Variants in LRRC4C observed in about 807,000 individuals in gnomAD.
The protein encoded by LRRC4C is leucine-rich repeat-containing protein 4C.
LRRC4C carries 5 observed loss-of-function variants against 33.6 expected under a neutral mutation model. That is an observed-to-expected ratio of 0.15 (90% CI 0.08 to 0.31). The LOEUF is 0.31. Ranked by LOEUF, LRRC4C falls within the 10% of genes least tolerant of loss-of-function variation. The pLI is 1.00. For missense variants in LRRC4C, 560 were observed against 796.7 expected (o/e 0.70, Z 3.58); for synonymous variants, 329 against 302.0 (o/e 1.09, Z -0.93).
At chr11:41,283,811 G>C (rs1198274974) in intron 1 of LRRC4C, among the ~76,000 whole-genome samples, 1 of 152,158 alleles carries the variant, frequency 6.6e-6, no homozygotes, top group Non-Finnish European at 1.5e-5. Flanking sequence ...CTAGTACTGG[G>C]TGCCAACATT....
intron 1 of LRRC4C, among the ~76,000 whole-genome samples, chr11:41,154,147 G>T (rs1339534007): frequency 6.6e-6 from 1 of 152,166 alleles, no homozygotes; most frequent in Non-Finnish European, 1.5e-5. Flanking sequence ...TGGTAATTTT[G>T]CTAAAGCAAC....
intron 1 of LRRC4C, among the ~76,000 whole-genome samples, chr11:41,013,543 T>G (rs1349427178): frequency 6.6e-6 from 1 of 152,164 alleles, no homozygotes; most frequent in East Asian, 1.9e-4. Context: ...AAACCCTGAA[T>G]TTTTACTAAA....
rs1554934483 is a variant in LRRC4C, at chr11:41,448,122, G to GGTTTTTTTTTTTTTTTTTT, written c.-496+11308_-496+11309insAAAAAAAAAAAAAAAAAAC. Among the ~76,000 whole-genome samples, 63 of 46,908 alleles carry GGTTTTTTTTTTTTTTTTTT rather than the reference G, an allele frequency of 1.3e-3. 5 individuals carry two copies. The highest frequency in any genetic ancestry group is 2.3e-3 in the Non-Finnish European group (52 of 22,916). The allele number at this position is 46,908 out of a possible 152,430, so 30.8% of individuals were successfully genotyped here. On this transcript the variant is annotated intron_variant, in intron 1 of 6. Transcript: ENST00000528697. ...ACAAACGAGGCTGCTGCACACGTCT[G>GGTTTTTTTTTTTTTTTTTT]TTTTTTTTTTTTTTTTTTTTGGAGC... is the stretch of plus-strand genomic sequence containing the variant.
intron 3 of LRRC4C, among the ~76,000 whole-genome samples, chr11:40,449,993 T>C (rs1227780458): frequency 6.6e-6 from 1 of 152,172 alleles, no homozygotes; most frequent in Non-Finnish European, 1.5e-5. Context: ...TGGTTAATTA[T>C]CCTTAAAGGC....
rs567206417 is a variant in LRRC4C, at chr11:40,342,854, C to T, written c.-269-23133G>A. On this transcript the variant is annotated intron_variant, in intron 3 of 6. Transcript: ENST00000528697. ...CATACTATGAAATTTTCCTTTATAT[C>T]TATCTATCTACCTACCTACCTATAT... Among the ~76,000 whole-genome samples, 106 of 152,126 alleles carry T rather than the reference C, an allele frequency of 7.0e-4. 1 individual carries two copies. Among genetic ancestry groups the T allele is most frequent in the Non-Finnish European group, 1.3e-3 (90 of 67,996 alleles).
At chr11:40,810,161 A>G (rs1951426585) in intron 2 of LRRC4C, among the ~76,000 whole-genome samples, 1 of 152,154 alleles carries the variant, frequency 6.6e-6, no homozygotes, top group Admixed American at 6.5e-5. Flanking sequence ...TCAGGTTACC[A>G]GTGACCTTGG....
At chr11:41,371,904 G>A (rs1244955621) in intron 1 of LRRC4C, among the ~76,000 whole-genome samples, 2 of 152,228 alleles carry the variant, frequency 1.3e-5, no homozygotes, top group Non-Finnish European at 2.9e-5. Flanking sequence ...GGGAGGCCAA[G>A]GGAGGCGGAT....
chr11:40,140,866 A>G lies in LRRC4C; in HGVS notation c.-95-13T>C, dbSNP rs1469142596. 1.3e-5 allele frequency: 2 copies of G among 152,252 alleles called. No individual in the cohort carries two copies. The highest frequency in any genetic ancestry group is 2.9e-5 in the Non-Finnish European group (2 of 68,026). 9.4% of individuals were successfully genotyped at this position (152,252 alleles called of 1,614,324 possible). A position where few individuals can be genotyped will look rare whatever the true frequency, so the allele number is the denominator to read the frequency against. On this transcript the variant is annotated splice_polypyrimidine_tract_variant and intron_variant, in intron 5 of 6. Coordinates refer to ENST00000528697, the MANE Select transcript of LRRC4C (RefSeq NM_001258419.2). ...TGCGTTTGCCAATCTAAAAAAAAAA[A>G]AAAAAGAAAAGAAAAGAAAAAAAAG...
At position 40,753,333 on chromosome 11, in the gene LRRC4C, C is replaced by A. The variant is rs868256043; in HGVS notation, c.-406-105055G>T. Among the ~76,000 whole-genome samples, 3 of 151,716 alleles carry A rather than the reference C, an allele frequency of 2.0e-5. No individual in the cohort carries two copies. In the East Asian group the frequency reaches 5.8e-4, roughly 30 times the overall value. On this transcript the variant is annotated intron_variant, in intron 2 of 6. Coordinates refer to ENST00000528697, the MANE Select transcript of LRRC4C (RefSeq NM_001258419.2). ...ATAAATACTCAAGGTGATGGATACC[C>A]TCAAATACCCTGACATCATTATTGA...
intron 2 of LRRC4C, among the ~76,000 whole-genome samples, chr11:40,927,476 G>A (rs1184160957): frequency 6.6e-6 from 1 of 152,036 alleles, no homozygotes; most frequent in East Asian, 1.9e-4. Context: ...TAAAGTTTGT[G>A]GTACCAATAA....
chr11:40,698,764 G>A (rs544836522), intron 2 of LRRC4C, among the ~76,000 whole-genome samples: 1 of 152,078 alleles, frequency 6.6e-6, no homozygotes, highest in Non-Finnish European at 1.5e-5. Context: ...TAATCATGGT[G>A]GAAGATGAAA....
At chr11:40,426,394 A>C in intron 3 of LRRC4C, among the ~76,000 whole-genome samples, 1 of 150,406 alleles carries the variant, frequency 6.6e-6, no homozygotes, top group Non-Finnish European at 1.5e-5. Context: ...TTTTAATCCC[A>C]TCTGTGCTTG....
chr11:41,414,637 G>T (rs1409354190), intron 1 of LRRC4C, among the ~76,000 whole-genome samples: 2 of 151,966 alleles, frequency 1.3e-5, no homozygotes, highest in Non-Finnish European at 2.9e-5. Context: ...CATTTTACTG[G>T]CAGAGAATGG....
intron 1 of LRRC4C, among the ~76,000 whole-genome samples, chr11:41,355,572 ATTG>A (rs1952131903): frequency 6.6e-6 from 1 of 152,120 alleles, no homozygotes; most frequent in African/African-American, 2.4e-5. Context: ...ATAGTTAAAT[ATTG>A]TATGGATTGT....
intron 5 of LRRC4C, among the ~76,000 whole-genome samples, chr11:40,162,933 C>T (rs1245033787): frequency 6.6e-6 from 1 of 152,184 alleles, no homozygotes; most frequent in African/African-American, 2.4e-5. Flanking sequence ...ATGGAATGTT[C>T]TCATTTGCCA....
At chr11:41,416,090 G>C (rs1392532256) in intron 1 of LRRC4C, among the ~76,000 whole-genome samples, 1 of 151,804 alleles carries the variant, frequency 6.6e-6, no homozygotes, top group East Asian at 1.9e-4. Flanking sequence ...ATATCCCTCG[G>C]TATTACCATT....
At chr11:40,643,021 G>A (rs1427325389) in intron 3 of LRRC4C, among the ~76,000 whole-genome samples, 1 of 152,108 alleles carries the variant, frequency 6.6e-6, no homozygotes, top group Non-Finnish European at 1.5e-5. Context: ...TGCTTAAGAG[G>A]ATCTTGAAAA....
intron 1 of LRRC4C, among the ~76,000 whole-genome samples, chr11:41,140,565 A>C (rs754300549): frequency 5.9e-5 from 9 of 152,230 alleles, no homozygotes; most frequent in Non-Finnish European, 8.8e-5. Context: ...AATAGAGAAT[A>C]GGCCCATTGC....
intron 2 of LRRC4C, among the ~76,000 whole-genome samples, chr11:40,871,011 C>T (rs899702622): frequency 2.4e-4 from 37 of 152,060 alleles, no homozygotes; most frequent in Non-Finnish European, 4.4e-4. Context: ...TTCGGCGGGG[C>T]GGCCGTCTTT....
Sources: allele counts gnomAD v4.1 joint callset (sites outside exome capture counted in the v4.1 genomes callset), GRCh38; gene constraint gnomAD v4.1.1; transcripts MANE v1.5; gene names NCBI Gene and HGNC (gene_info 2026-07-23, HGNC 2026-07-21).